Variants in ODAD2 observed in about 807,000 individuals in gnomAD.
ODAD2 encodes outer dynein arm docking complex subunit 2, also known as outer dynein arm-docking complex subunit 2.
A neutral mutation model predicts 106.8 loss-of-function variants in ODAD2; 89 were observed. That is an observed-to-expected ratio of 0.83 (90% CI 0.70 to 0.99). The LOEUF is 0.99. Ranked by LOEUF, ODAD2 falls within the 50% of genes least tolerant of loss-of-function variation. ODAD2 has a pLI of 0.00. For missense variants in ODAD2, 1,168 were observed against 1,238.5 expected (o/e 0.94, Z 0.85); for synonymous variants, 404 against 436.2 (o/e 0.93, Z 0.92).
intron 16 of ODAD2, among the ~76,000 whole-genome samples, chr10:27,924,444 A>C (rs999186038): frequency 6.6e-6 from 1 of 151,076 alleles, no homozygotes; most frequent in Admixed American, 6.6e-5. Flanking sequence ...AATTAAAATA[A>C]TTAGAAAAAT....
chr10:27,934,751 A>C (rs1443392583), intron 16 of ODAD2, among the ~76,000 whole-genome samples: 1 of 152,178 alleles, frequency 6.6e-6, no homozygotes, highest in Non-Finnish European at 1.5e-5. Context: ...TTGTTGACTG[A>C]ATAAAGGTTT....
chr10:27,937,530 T>G (rs564189074), intron 14 of ODAD2, among the ~76,000 whole-genome samples: 1 of 152,262 alleles, frequency 6.6e-6, no homozygotes, highest in East Asian at 1.9e-4. Context: ...TCAAATATGC[T>G]TATCCATGTT....
At chr10:27,865,005 G>T (rs1220712997) in intron 17 of ODAD2, among the ~76,000 whole-genome samples, 4 of 152,204 alleles carry the variant, frequency 2.6e-5, no homozygotes, top group Non-Finnish European at 5.9e-5. Flanking sequence ...TCAACTGAGT[G>T]ATCATTAGAA....
At chr10:27,871,592 G>A (rs1398932794) in intron 17 of ODAD2, among the ~76,000 whole-genome samples, 3 of 152,132 alleles carry the variant, frequency 2.0e-5, no homozygotes, top group Non-Finnish European at 2.9e-5. Context: ...AGTTTTCCCA[G>A]CACCATTTAT....
rs760828247 is a variant in ODAD2 at position 27,983,819 on chromosome 10, T to C, written c.819+24A>G. 4.3e-6 allele frequency: 7 copies of C among 1,610,230 alleles called. No individual in the cohort carries two copies. In the East Asian group the frequency reaches 1.3e-4, roughly 31 times the overall value. Reference sequence around the variant, plus strand: ...AACAATCAAAGTCCACTGGCTTTAGTTACGTTTTTAAAAATTTACTTACAC... The same window carrying C: ...AACAATCAAAGTCCACTGGCTTTAGCTACGTTTTTAAAAATTTACTTACAC... On this transcript the variant is annotated intron_variant, in intron 6 of 19. Transcript: ENST00000305242.
chr10:27,894,908 A>G (rs182891412), intron 17 of ODAD2, among the ~76,000 whole-genome samples: 18 of 152,204 alleles, frequency 1.2e-4, no homozygotes, highest in Admixed American at 9.2e-4. Flanking sequence ...GTTCCTTAAC[A>G]CTGGAAACTT....
At chr10:27,941,890 C>A (rs1846478336) in intron 12 of ODAD2, among the ~76,000 whole-genome samples, 1 of 152,112 alleles carries the variant, frequency 6.6e-6, no homozygotes, top group African/African-American at 2.4e-5. Context: ...ATAGCCTAGG[C>A]TAGGTAGAGT....
In ODAD2 at chr10:27,985,195, T is replaced by C. The variant is rs771914028; in HGVS notation, c.399A>G (p.Ile133Met). 3.2e-6 allele frequency: 5 copies of C among 1,556,526 alleles called. No homozygotes were observed. Among genetic ancestry groups the C allele is most frequent in the Non-Finnish European group, 4.3e-6 (5 of 1,151,960 alleles). Residue 133 changes from isoleucine (I) to methionine (M), a missense_variant, in exon 4 of 20, where the codon ATA becomes ATG. Ile to Met is a conservative substitution (Grantham distance 10). Transcript: ENST00000305242. The part of the protein sequence containing the change: ...QACVEANRDP[I>M]VKILGSDYNT... Reference sequence around the variant, plus strand: ...TATAATCAGAGCCCAGGATTTTTACTATGGGGTCTCTGTTAGCTGCCAAAA... The same window carrying C: ...TATAATCAGAGCCCAGGATTTTTACCATGGGGTCTCTGTTAGCTGCCAAAA...
intron 19 of ODAD2, among the ~76,000 whole-genome samples, chr10:27,813,971 A>G (rs1271055355): frequency 6.6e-6 from 1 of 152,216 alleles, no homozygotes; most frequent in South Asian, 2.1e-4. Context: ...TCCAAATAGA[A>G]GAAAATAAAA....
At chr10:27,835,648 G>A (rs1837817311) in intron 19 of ODAD2, among the ~76,000 whole-genome samples, 1 of 152,138 alleles carries the variant, frequency 6.6e-6, no homozygotes, top group Admixed American at 6.6e-5. Flanking sequence ...TGTATATCAT[G>A]TATATTATAT....
chr10:27,890,853 T>G (rs754666804), intron 17 of ODAD2, among the ~76,000 whole-genome samples: 1 of 152,072 alleles, frequency 6.6e-6, no homozygotes, highest in Non-Finnish European at 1.5e-5. Flanking sequence ...GGGTGCATAC[T>G]TAGAACTATT....
chr10:27,988,811 A>G (rs1443929800), intron 2 of ODAD2, among the ~76,000 whole-genome samples: 3 of 152,236 alleles, frequency 2.0e-5, no homozygotes, highest in Non-Finnish European at 4.4e-5. Context: ...CTGAATCCCC[A>G]AAACCTATGA....
chr10:27,989,463 A>AT (rs1278810019), intron 2 of ODAD2, among the ~76,000 whole-genome samples: 1 of 152,296 alleles, frequency 6.6e-6, no homozygotes, highest in Non-Finnish European at 1.5e-5. Context: ...GACTTAAGAG[A>AT]TTTTTTAAAG....
intron 10 of ODAD2, among the ~76,000 whole-genome samples, chr10:27,950,952 G>A (rs1018951500): frequency 1.3e-5 from 2 of 152,104 alleles, no homozygotes; most frequent in African/African-American, 4.8e-5. Context: ...ATTTTAAAGT[G>A]AGTATTTATA....
chr10:27,964,759 A>C (rs1427190926), intron 9 of ODAD2, among the ~76,000 whole-genome samples: 1 of 152,200 alleles, frequency 6.6e-6, no homozygotes, highest in Admixed American at 6.5e-5. Flanking sequence ...CACTTTGGTC[A>C]CCATCAGAAA....
intron 17 of ODAD2, among the ~76,000 whole-genome samples, chr10:27,879,184 T>C (rs1187861887): frequency 6.6e-6 from 1 of 152,144 alleles, no homozygotes; most frequent in African/African-American, 2.4e-5. Context: ...CATTTTACCA[T>C]GCCCTGGGTT....
intron 9 of ODAD2, among the ~76,000 whole-genome samples, chr10:27,964,742 C>A (rs537973642): frequency 6.6e-6 from 1 of 152,260 alleles, no homozygotes; most frequent in East Asian, 1.9e-4. Flanking sequence ...TAGCTCAGTA[C>A]CTTGTCCACT....
chr10:27,939,955 T>C lies in ODAD2; in HGVS notation c.2039A>G (p.Lys680Arg), dbSNP rs748857448. Residue 680 changes from lysine to arginine, a missense_variant, in exon 14 of 20, where the codon AAG (lysine) becomes AGG (arginine). Around this residue, in one of 3 missense-constraint regions of ODAD2, gnomAD observed 701 missense variants for 712.3 expected, o/e 0.98. Coordinates refer to ENST00000305242, the MANE Select transcript of ODAD2 (RefSeq NM_018076.5). ...CTGCTCATTCTCACTATTTAGGTTC[T>C]TGACAAGGTTTTCAATGATCCTTTC... is the stretch of plus-strand genomic sequence containing the variant. ...KAERIIENLV[K>R]NLNSENEQLQ... The C allele has an allele frequency of 2.5e-6, 4 of 1,611,482 alleles. No individual in the cohort carries two copies. The highest frequency in any genetic ancestry group is 1.3e-5 in the African/African-American group (1 of 74,882).
intron 10 of ODAD2, among the ~76,000 whole-genome samples, chr10:27,945,541 G>A (rs912310547): frequency 6.6e-6 from 1 of 152,176 alleles, no homozygotes; most frequent in Admixed American, 6.5e-5. Context: ...TCACTGTGGT[G>A]AGCAAAATCC....
Sources: allele counts gnomAD v4.1 joint callset (sites outside exome capture counted in the v4.1 genomes callset), GRCh38; gene constraint gnomAD v4.1.1; regional missense constraint gnomAD v4.1.1; transcripts MANE v1.5; gene names NCBI Gene and HGNC (gene_info 2026-07-23, HGNC 2026-07-21).